The following RBFOX1 variants were observed in gnomAD, a reference collection of about 807,000 sequenced individuals.
The protein encoded by RBFOX1 is RNA binding protein fox-1 homolog 1.
In RBFOX1, 8 loss-of-function variants were observed where a neutral mutation model predicts 57.7. That is an observed-to-expected ratio of 0.14 (90% CI 0.08 to 0.25). RBFOX1 has a LOEUF of 0.25. Among genes scored for constraint, RBFOX1 ranks in the 10% least tolerant of loss-of-function variants. RBFOX1 has a pLI of 1.00. For synonymous variants in RBFOX1, 326 were observed against 222.4 expected (o/e 1.47, Z -4.15); for missense variants, 611 against 548.5 (o/e 1.11, Z -1.14).
chr16:6,405,195 G>A (rs2093231870), intron 2 of RBFOX1, among the ~76,000 whole-genome samples: 1 of 152,132 alleles, frequency 6.6e-6, no homozygotes, highest in Admixed American at 6.6e-5. Flanking sequence ...TGATATATCT[G>A]TTATCCTATC....
At chr16:5,485,529 A>G (rs1054505042) in intron 2 of RBFOX1, among the ~76,000 whole-genome samples, 3 of 152,136 alleles carry the variant, frequency 2.0e-5, no homozygotes, top group Non-Finnish European at 4.4e-5. Flanking sequence ...TGAAGCCCAT[A>G]CTAAATGCCA....
At chr16:7,048,964 C>CAT (rs1437043912) in intron 3 of RBFOX1, among the ~76,000 whole-genome samples, 2 of 151,958 alleles carry the variant, frequency 1.3e-5, no homozygotes, top group African/African-American at 4.8e-5. Flanking sequence ...GGGTGTCTCC[C>CAT]ATATATATAT....
In RBFOX1 at chr16:6,665,261, T is replaced by C. The variant is rs113737889; in HGVS notation, c.-16+10611T>C. Among the ~76,000 whole-genome samples the C allele has an allele frequency of 6.5e-3, 990 of 152,174 alleles. 12 individuals carry two copies. Among genetic ancestry groups the C allele is most frequent in the African/African-American group, 0.023 (939 of 41,520 alleles). ...AGGGCGATGTCCCTCTTGTTTGTCT[T>C]CCCTCAGCCACCCCAGCAGTGGGAT... On this transcript the variant is annotated intron_variant, in intron 3 of 15. Transcript: ENST00000550418.
At chr16:7,710,342 C>G in intron 15 of RBFOX1, 6 of 1,256,698 alleles carry the variant, frequency 4.8e-6, no homozygotes, top group South Asian at 4.6e-5. Context: ...AAAAATGAGA[C>G]AGTGAAAATC....
intron 3 of RBFOX1, among the ~76,000 whole-genome samples, chr16:6,828,261 C>G (rs140255397): frequency 0.012 from 1,900 of 152,210 alleles, 42 homozygotes; most frequent in African/African-American, 0.043. Context: ...CACAGTGGCT[C>G]ACAGCTGTAA....
At chr16:6,504,890 C>T (rs1205246481) in intron 2 of RBFOX1, among the ~76,000 whole-genome samples, 5 of 135,674 alleles carry the variant, frequency 3.7e-5, no homozygotes, top group African/African-American at 1.3e-4. Flanking sequence ...TCTGTCTCTA[C>T]TAAAATTACA....
At chr16:6,127,832 T>TA (rs79374088) in intron 1 of RBFOX1, among the ~76,000 whole-genome samples, 4 of 152,218 alleles carry the variant, frequency 2.6e-5, no homozygotes, top group East Asian at 1.9e-4. Flanking sequence ...TTGTAAAACC[T>TA]AAAAAAAATT....
At chr16:5,537,377 G>C (rs1485116024) in intron 2 of RBFOX1, among the ~76,000 whole-genome samples, 1 of 152,196 alleles carries the variant, frequency 6.6e-6, no homozygotes, top group Non-Finnish European at 1.5e-5. Flanking sequence ...TATTGCTGCT[G>C]TGTCAAACTA....
At chr16:7,392,484 A>G (rs541877787) in intron 4 of RBFOX1, among the ~76,000 whole-genome samples, 4 of 152,314 alleles carry the variant, frequency 2.6e-5, no homozygotes, top group East Asian at 3.9e-4. Context: ...GGCACTCTTT[A>G]TGGTCCTACC....
chr16:5,424,785 A>C (rs2067463467), intron 1 of RBFOX1, among the ~76,000 whole-genome samples: 1 of 151,630 alleles, frequency 6.6e-6, no homozygotes. Context: ...GGTAAGTAGG[A>C]AGTCCAGGCT....
intron 3 of RBFOX1, among the ~76,000 whole-genome samples, chr16:5,675,616 C>A (rs926746489): frequency 6.6e-6 from 1 of 152,196 alleles, no homozygotes; most frequent in African/African-American, 2.4e-5. Flanking sequence ...CAACACTGAG[C>A]CTTCTTGGAT....
chr16:6,476,956 C>T (rs1340391176), intron 2 of RBFOX1, among the ~76,000 whole-genome samples: 1 of 152,092 alleles, frequency 6.6e-6, no homozygotes, highest in Admixed American at 6.6e-5. Context: ...CTCAAGGAAC[C>T]ACTTTTTCTG....
At chr16:6,743,180 T>C (rs534784295) in intron 3 of RBFOX1, among the ~76,000 whole-genome samples, 1 of 152,142 alleles carries the variant, frequency 6.6e-6, no homozygotes, top group East Asian at 1.9e-4. Flanking sequence ...AAAGATGAAA[T>C]GTAGAGTTAT....
chr16:6,513,458 G>A (rs2096295248), intron 2 of RBFOX1, among the ~76,000 whole-genome samples: 1 of 152,184 alleles, frequency 6.6e-6, no homozygotes, highest in Non-Finnish European at 1.5e-5. Context: ...ATGAGGCCGG[G>A]CGCGGTGGCT....
intron 1 of RBFOX1, among the ~76,000 whole-genome samples, chr16:6,312,404 G>A (rs2080444445): frequency 6.6e-6 from 1 of 152,100 alleles, no homozygotes; most frequent in Admixed American, 6.5e-5. Context: ...ACACGTGGCA[G>A]AGAAGAGTGA....
At position 6,838,434 on chromosome 16, in the gene RBFOX1, G is replaced by C. The variant is rs543048852; in HGVS notation, c.-16+183784G>C. ...TTCTTTATCCAGTCTATTATTGATG[G>C]GCATTTGGGTTGACTAGCCCTTTTC... On this transcript the variant is annotated intron_variant, in intron 3 of 15. Coordinates refer to ENST00000550418, the MANE Select transcript of RBFOX1 (RefSeq NM_018723.4). Among the ~76,000 whole-genome samples the C allele has an allele frequency of 3.3e-5, 5 of 152,182 alleles. No individual in the cohort carries two copies. The South Asian group carries it at 1.0e-3, about 32-fold the overall frequency.
In RBFOX1 at chr16:5,986,315, C is replaced by T. The variant is rs551212316; in HGVS notation, c.351+118980C>T. On this transcript the variant is annotated intron_variant, in intron 4 of 19. Coordinates refer to the RBFOX1 transcript ENST00000641259. ...CTGACCTCAGGCCATCTACCCGCCC[C>T]GGCCTCCCATAGTGCTGGGATTACA... Among the ~76,000 whole-genome samples, 12 of 152,330 alleles carry T rather than the reference C, an allele frequency of 7.9e-5. No homozygotes were observed. The South Asian group carries it at 1.0e-3, about 13-fold the overall frequency.
chr16:5,513,071 A>G lies in RBFOX1; in HGVS notation c.258+45817A>G, dbSNP rs60127131. Among the ~76,000 whole-genome samples the G allele has an allele frequency of 3.4e-3, 525 of 152,182 alleles. 1 individual carries two copies. The highest frequency in any genetic ancestry group is 0.012 in the African/African-American group (485 of 41,526). On this transcript the variant is annotated intron_variant, in intron 2 of 2. Transcript: ENST00000585867. ...GCCAGGAAGGCAGGCGTGCACTACCATGCATAGGTTATTTCTTATTTTTTG... is the reference window on the plus strand; with the variant it reads ...GCCAGGAAGGCAGGCGTGCACTACCGTGCATAGGTTATTTCTTATTTTTTG...
intron 1 of RBFOX1, among the ~76,000 whole-genome samples, chr16:5,380,414 A>G (rs1031510128): frequency 1.3e-5 from 2 of 152,214 alleles, no homozygotes; most frequent in Non-Finnish European, 2.9e-5. Context: ...GCTGAACTCT[A>G]AAGCAAGCAA....
Sources: allele counts gnomAD v4.1 joint callset (sites outside exome capture counted in the v4.1 genomes callset), GRCh38; gene constraint gnomAD v4.1.1; transcripts MANE v1.5; gene names NCBI Gene and HGNC (gene_info 2026-07-23, HGNC 2026-07-21).